Variants in XYLT1 observed in about 807,000 individuals in gnomAD.
XYLT1 encodes the protein beta-D-xylosyltransferase 1.
In XYLT1, 36 loss-of-function variants were observed where a neutral mutation model predicts 91.3. The ratio of observed to expected loss-of-function variants is 0.39; its 90% CI spans 0.30 to 0.52. The LOEUF is 0.52. Among genes scored for constraint, XYLT1 ranks in the 20% least tolerant of loss-of-function variants. The pLI is 0.68. For missense variants in XYLT1, 1,242 were observed against 1,284.5 expected, an observed-to-expected ratio of 0.97 and a Z score of 0.51; for synonymous variants, 588 against 532.0, an observed-to-expected ratio of 1.11 and a Z score of -1.45.
chr16:17,150,963 C>T (rs979470954), intron 6 of XYLT1, among the ~76,000 whole-genome samples: 1 of 152,070 alleles, frequency 6.6e-6, no homozygotes, highest in African/African-American at 2.4e-5. Flanking sequence ...CCTGTGGCTG[C>T]CAAAGGAAGC....
chr16:17,309,116 C>T (rs971562933), intron 2 of XYLT1, among the ~76,000 whole-genome samples: 2 of 152,166 alleles, frequency 1.3e-5, no homozygotes, highest in Admixed American at 6.5e-5. Context: ...CAGAGACACG[C>T]AAGGGTCTAC....
chr16:17,433,927 C>G lies in XYLT1; in HGVS notation c.363+36507G>C, dbSNP rs188901099. ...ATTCCTAGCGGCAAGGCTGGATAAGCTTATCAAGAGCAGGCAAACTACATC... is the reference window on the plus strand; with the variant it reads ...ATTCCTAGCGGCAAGGCTGGATAAGGTTATCAAGAGCAGGCAAACTACATC... On this transcript the variant is annotated intron_variant, in intron 1 of 11. Transcript: ENST00000261381. Among the ~76,000 whole-genome samples the G allele has an allele frequency of 7.4e-4, 113 of 152,064 alleles. 1 individual carries two copies. The highest frequency in any genetic ancestry group is 9.6e-4 in the Non-Finnish European group (65 of 67,990).
At chr16:17,370,060 AAGGGAACAACAGG>A (rs2035510708) in intron 1 of XYLT1, among the ~76,000 whole-genome samples, 1 of 152,108 alleles carries the variant, frequency 6.6e-6, no homozygotes, top group Admixed American at 6.5e-5. Flanking sequence ...GCTGTGGGGG[AAGGGAACAACAGG>A]AGGGGGCCAG....
chr16:17,406,941 T>C (rs1216489055), intron 1 of XYLT1, among the ~76,000 whole-genome samples: 1 of 152,192 alleles, frequency 6.6e-6, no homozygotes, highest in Admixed American at 6.5e-5. Flanking sequence ...CACAGGGTCA[T>C]ATGGTCTTTC....
At position 17,239,677 on chromosome 16, in the gene XYLT1, T is replaced by C. The variant is rs534443093; in HGVS notation, c.913+19311A>G. On this transcript the variant is annotated intron_variant, in intron 3 of 11. Coordinates refer to ENST00000261381, the MANE Select transcript of XYLT1 (RefSeq NM_022166.4). ...CCCATCCATCCATGTTCCTAGTCCA[T>C]TCATCCATTCATCCATCCACCCATC... is the stretch of plus-strand genomic sequence containing the variant. Among the ~76,000 whole-genome samples, 11 of 150,168 alleles carry C rather than the reference T, an allele frequency of 7.3e-5. No homozygotes were observed. The South Asian group carries it at 2.4e-3, about 32-fold the overall frequency.
At chr16:17,358,581 C>T (rs766378962) in intron 1 of XYLT1, among the ~76,000 whole-genome samples, 14 of 152,220 alleles carry the variant, frequency 9.2e-5, no homozygotes, top group African/African-American at 1.7e-4. Context: ...CTTCCTCTCA[C>T]GCACAAGTGA....
chr16:17,123,008 G>A (rs1299021200), intron 10 of XYLT1, among the ~76,000 whole-genome samples: 1 of 152,182 alleles, frequency 6.6e-6, no homozygotes, highest in Admixed American at 6.5e-5. Flanking sequence ...GTTGGGTAAT[G>A]CAATGCCTCC....
intron 6 of XYLT1, among the ~76,000 whole-genome samples, chr16:17,147,885 C>T (rs985665324): frequency 3.3e-5 from 5 of 152,216 alleles, no homozygotes; most frequent in Non-Finnish European, 7.3e-5. Context: ...ATGGCTCTCT[C>T]ACCTGAGGCG....
intron 1 of XYLT1, among the ~76,000 whole-genome samples, chr16:17,454,036 T>C (rs966035724): frequency 3.3e-5 from 5 of 152,226 alleles, no homozygotes; most frequent in African/African-American, 1.2e-4. Flanking sequence ...TAAGCCTTGT[T>C]ACAGAGTTTC....
Position 17,134,693 on chromosome 16 carries a change from C to G in XYLT1, c.1807G>C (p.Val603Leu), listed in dbSNP as rs187270026. ...TGCCCAATGATTTCCTGATTCACCA[C>G]GGCTTCAAACTTGCGGGCAAAGAAG... is the stretch of plus-strand genomic sequence containing the variant. Reference protein sequence around the residue: ...PTFFARKFEAVVNQEIIGQLD... With the variant: ...PTFFARKFEALVNQEIIGQLD... Residue 603 changes from valine to leucine, a missense_variant, in exon 9 of 12, where the codon GTG becomes CTG. Transcript: ENST00000261381. 6.2e-6 allele frequency: 10 copies of G among 1,614,078 alleles called. No individual in the cohort carries two copies. The highest frequency in any genetic ancestry group is 1.3e-5 in the African/African-American group (1 of 74,930).
At chr16:17,172,525 G>A (rs1567307122) in intron 5 of XYLT1, among the ~76,000 whole-genome samples, 1 of 139,146 alleles carries the variant, frequency 7.2e-6, no homozygotes, top group Non-Finnish European at 1.5e-5. Context: ...AGGCTGGAGT[G>A]CAGTGGCGTG....
At chr16:17,233,313 G>A (rs1368827155) in intron 3 of XYLT1, among the ~76,000 whole-genome samples, 1 of 152,210 alleles carries the variant, frequency 6.6e-6, no homozygotes, top group Non-Finnish European at 1.5e-5. Flanking sequence ...GCCAGGCACT[G>A]CCCATCCTGC....
At chr16:17,146,141 C>G (rs1389627717) in intron 6 of XYLT1, among the ~76,000 whole-genome samples, 1 of 151,688 alleles carries the variant, frequency 6.6e-6, no homozygotes, top group East Asian at 1.9e-4. Context: ...GACATTCACT[C>G]AGGGGAATTA....
At chr16:17,374,754 G>C (rs2067161969) in intron 1 of XYLT1, among the ~76,000 whole-genome samples, 1 of 152,056 alleles carries the variant, frequency 6.6e-6, no homozygotes, top group Admixed American at 6.6e-5. Context: ...ACATCAATTT[G>C]CAAGAGTTCT....
At chr16:17,176,941 C>A (rs1282684081) in intron 5 of XYLT1, among the ~76,000 whole-genome samples, 2 of 151,984 alleles carry the variant, frequency 1.3e-5, no homozygotes, top group Non-Finnish European at 2.9e-5. Context: ...AAAGGCTTCC[C>A]ATTGCTTATA....
intron 1 of XYLT1, among the ~76,000 whole-genome samples, chr16:17,382,652 G>C (rs1029757273): frequency 6.6e-6 from 1 of 151,822 alleles, no homozygotes; most frequent in African/African-American, 2.4e-5. Flanking sequence ...AGAGGAGCCA[G>C]TGTAACTGCC....
At chr16:17,238,862 G>A (rs942895239) in intron 3 of XYLT1, among the ~76,000 whole-genome samples, 3 of 152,186 alleles carry the variant, frequency 2.0e-5, no homozygotes, top group East Asian at 1.9e-4. Context: ...CAAATAAGTC[G>A]AGGAGTTTAC....
intron 1 of XYLT1, among the ~76,000 whole-genome samples, chr16:17,448,531 C>T (rs561197781): frequency 1.3e-5 from 2 of 152,136 alleles, no homozygotes; most frequent in Admixed American, 6.6e-5. Context: ...GCAGGCCACA[C>T]AGCCAGCAAC....
At position 17,279,128 on chromosome 16, in the gene XYLT1, T is replaced by C. The variant is rs572025759; in HGVS notation, c.403-19630A>G. On this transcript the variant is annotated intron_variant, in intron 2 of 11. Coordinates refer to ENST00000261381, the MANE Select transcript of XYLT1 (RefSeq NM_022166.4). ...AGCATTTCCTGTGCCTTTTTAAATTTAATCCTCTTCACAGCCCTCTCAAGA... is the reference window on the plus strand; with the variant it reads ...AGCATTTCCTGTGCCTTTTTAAATTCAATCCTCTTCACAGCCCTCTCAAGA... 1.3e-4 allele frequency among the ~76,000 whole-genome samples: 20 copies of C among 152,326 alleles called. No individual in the cohort carries two copies. The East Asian group carries it at 3.1e-3, about 24-fold the overall frequency.
Sources: gnomAD v4.1 joint callset for allele counts (sites outside exome capture counted in the v4.1 genomes callset) on GRCh38, gnomAD v4.1.1 for gene constraint, MANE v1.5 for transcripts, NCBI Gene and HGNC (gene_info 2026-07-23, HGNC 2026-07-21) for gene names.